TNFRSF9: variants seen among roughly 807,000 people sequenced by gnomAD.
The protein encoded by TNFRSF9 is tumor necrosis factor receptor superfamily member 9.
Under a neutral mutation model 28.8 loss-of-function variants are expected in TNFRSF9, and 16 were observed. That is an observed-to-expected ratio of 0.55 (90% CI 0.38 to 0.84). TNFRSF9 has a LOEUF of 0.84. TNFRSF9 is among the 40% of genes least tolerant of loss of function. The pLI is 0.00. For synonymous variants in TNFRSF9, 131 were observed against 117.0 expected (o/e 1.12, Z -0.77); for missense variants, 303 against 315.0 (o/e 0.96, Z 0.29).
chr1:7,938,116 A>G (rs1639848974), intron 4 of TNFRSF9, 77 bp downstream of exon 4: 2 of 1,360,766 alleles, frequency 1.5e-6, no homozygotes, highest in Non-Finnish European at 1.9e-6. Context: ...CTGTTTGTTT[A>G]TTTTCAAAGG....
In TNFRSF9 at chr1:7,920,648, C is replaced by T; in HGVS notation, c.*187G>A. ...CCTGGGTGACAGAGTGAGACCCTGT[C>T]AAAAAAAAAAAAAAAGTGGTGCATT... On this transcript the variant is annotated 3_prime_UTR_variant, in exon 8 of 8. Coordinates refer to ENST00000377507, the MANE Select transcript of TNFRSF9 (RefSeq NM_001561.6). 7.3e-6 allele frequency: 3 copies of T among 410,028 alleles called. No individual in the cohort carries two copies. Among genetic ancestry groups the T allele is most frequent in the Non-Finnish European group, 1.3e-5 (3 of 234,708 alleles). The allele number at this position is 410,028 out of a possible 1,614,324, so 25.4% of individuals were successfully genotyped here. A position where few individuals can be genotyped will look rare whatever the true frequency, so the allele number is the denominator to read the frequency against.
At chr1:7,934,016 AC>A (rs1180361563) in intron 6 of TNFRSF9, among the ~76,000 whole-genome samples, 3 of 150,964 alleles carry the variant, frequency 2.0e-5, no homozygotes, top group Non-Finnish European at 3.0e-5. Context: ...GACTCTGTCC[AC>A]CCCCCCAAAA....
chr1:7,938,347 G>A lies in TNFRSF9; in HGVS notation c.209-17C>T. 5 of 1,577,922 alleles carry A rather than the reference G, an allele frequency of 3.2e-6. No individual in the cohort carries two copies. The highest frequency in any genetic ancestry group is 4.3e-6 in the Non-Finnish European group (5 of 1,162,896). ...TGAAAACACCTACAAAGTCCCCCCA[G>A]CCCCCAACATTTTATTACACTTGAC... On this transcript the variant is annotated splice_polypyrimidine_tract_variant and intron_variant, in intron 3 of 7. Coordinates refer to ENST00000377507, the MANE Select transcript of TNFRSF9 (RefSeq NM_001561.6).
intron 1 of TNFRSF9, 138 bp from the exon 2 acceptor site, chr1:7,940,216 A>T (rs796911174): frequency 2.6e-5 from 10 of 384,012 alleles, no homozygotes; most frequent in African/African-American, 1.8e-4. Context: ...TATTACGGAA[A>T]AGTAGCAGAT....
chr1:7,933,712 GA>G (rs959000648), intron 6 of TNFRSF9, among the ~76,000 whole-genome samples: 2 of 151,510 alleles, frequency 1.3e-5, no homozygotes, highest in Non-Finnish European at 2.9e-5. Context: ...AGAAAAGAAA[GA>G]AAAGAAAAAG....
intron 5 of TNFRSF9, 70 bp from the exon 6 acceptor site, chr1:7,935,213 T>C: frequency 6.5e-7 from 1 of 1,544,360 alleles, no homozygotes; most frequent in Non-Finnish European, 8.8e-7. Context: ...TAAAACTTTG[T>C]CATTTTTCAC....
At position 7,933,267 on chromosome 1, in the gene TNFRSF9, G is replaced by T; in HGVS notation, c.574C>A (p.Leu192Ile). Residue 192 changes from leucine to isoleucine, a missense_variant, in exon 7 of 8, where the codon CTT (leucine) becomes ATT (isoleucine). Physicochemically the swap from Leu to Ile is conservative, Grantham distance 5 (BLOSUM62 2). Coordinates refer to ENST00000377507, the MANE Select transcript of TNFRSF9 (RefSeq NM_001561.6). ...GHSPQIISFF[L>I]ALTSTALLFL... ...AGCAACGCAGTCGACGTCAGCGCAA[G>T]AAAGAAGGAGATGATCTGCGGAGAG... 1 of 1,613,778 alleles carries T rather than the reference G, an allele frequency of 6.2e-7. No individual in the cohort carries two copies. The highest frequency in any genetic ancestry group is 2.2e-5 in the East Asian group (1 of 44,884).
intron 7 of TNFRSF9, among the ~76,000 whole-genome samples, chr1:7,926,963 C>G (rs1639665291): frequency 6.6e-6 from 1 of 152,100 alleles, no homozygotes; most frequent in African/African-American, 2.4e-5. Context: ...GTGGCTCACA[C>G]CTGTAATCCC....
In TNFRSF9 at chr1:7,937,731, T is replaced by C; in HGVS notation, c.372A>G (p.Thr124=). ...AGATGCCACGTTTCTGATCGTTAAA[T>C]GTCCCAAAGCAACAGTCTTTACAAC... ...KKGCKDCCFG[T]FNDQKRGICR... is the part of the protein sequence containing the mutation. Residue 124 remains threonine (T), a synonymous_variant, in exon 5 of 8, where the codon ACA becomes ACG. Coordinates refer to ENST00000377507, the MANE Select transcript of TNFRSF9 (RefSeq NM_001561.6). 6.2e-7 allele frequency: 1 copy of C among 1,613,716 alleles called. No individual in the cohort carries two copies. The highest frequency in any genetic ancestry group is 8.5e-7 in the Non-Finnish European group (1 of 1,179,636).
rs9658041 is a variant in TNFRSF9, at chr1:7,920,801, C to T, written c.*34G>A. ...TGACTCATATTTCCTTGCTTCTTTT[C>T]AAGAAAGTCCCAACAGCCCTATTGA... On this transcript the variant is annotated 3_prime_UTR_variant, in exon 8 of 8. Transcript: ENST00000377507. 28,562 of 1,549,472 alleles carry T rather than the reference C, an allele frequency of 0.018. 355 individuals carry two copies. The highest frequency in any genetic ancestry group is 0.019 in the Non-Finnish European group (21,164 of 1,122,458).
chr1:7,933,247 C>G lies in TNFRSF9; in HGVS notation c.594G>C (p.Ala198=). The G allele has an allele frequency of 1.2e-6, 2 of 1,613,896 alleles. No individual in the cohort carries two copies. The highest frequency in any genetic ancestry group is 1.7e-6 in the Non-Finnish European group (2 of 1,179,860). The change falls in exon 7 of 8, where the codon GCG becomes GCC. Residue 198 remains alanine, a synonymous_variant. Transcript: ENST00000377507. ...TGAGGAAGAACAGCAGGAAGAGCAA[C>G]GCAGTCGACGTCAGCGCAAGAAAGA... The part of the protein sequence containing the change: ...ISFFLALTST[A]LLFLLFFLTL...
At chr1:7,931,562 A>G (rs1320791296) in intron 7 of TNFRSF9, among the ~76,000 whole-genome samples, 2 of 152,218 alleles carry the variant, frequency 1.3e-5, no homozygotes, top group East Asian at 3.8e-4. Context: ...GCCCAATAAA[A>G]CTGTGTTATT....
intron 5 of TNFRSF9, 67 bp downstream of exon 5, chr1:7,937,623 A>G: frequency 7.5e-7 from 1 of 1,331,086 alleles, no homozygotes; most frequent in South Asian, 1.2e-5. Flanking sequence ...CAATGATAGC[A>G]TTCCTTATCT....
At chr1:7,924,043 A>G (rs1639600777) in intron 7 of TNFRSF9, among the ~76,000 whole-genome samples, 1 of 152,140 alleles carries the variant, frequency 6.6e-6, no homozygotes, top group African/African-American at 2.4e-5. Context: ...TCGTGGTCCC[A>G]TAAGATTATA....
intron 1 of TNFRSF9, 53 bp from the exon 2 acceptor site, chr1:7,940,131 C>G (rs2151420827): frequency 1.7e-6 from 1 of 584,988 alleles, no homozygotes; most frequent in Non-Finnish European, 3.1e-6. Flanking sequence ...TCAAAATTAT[C>G]TATATTGCAA....
At chr1:7,938,163 C>A in intron 4 of TNFRSF9, 30 bp downstream of exon 4, 1 of 1,534,402 alleles carries the variant, frequency 6.5e-7, no homozygotes, top group Non-Finnish European at 8.8e-7. Context: ...TGTCACAAAA[C>A]TACACTAGAT....
rs373493964 is a variant in TNFRSF9, at chr1:7,933,220, C to A, written c.621G>T (p.Thr207=). 5 of 1,613,676 alleles carry A rather than the reference C, an allele frequency of 3.1e-6. No homozygotes were observed. The highest frequency in any genetic ancestry group is 3.3e-5 in the Admixed American group (2 of 59,952). ...CCCGTTTAACAACAGAGAAACGGAG[C>A]GTGAGGAAGAACAGCAGGAAGAGCA... is the stretch of plus-strand genomic sequence containing the variant. ...TALLFLLFFL[T]LRFSVVKRGR... is the part of the protein sequence containing the mutation. The change falls in exon 7 of 8, where the codon ACG becomes ACT. Residue 207 remains threonine, a synonymous_variant. Transcript: ENST00000377507.
chr1:7,927,048 ACT>A (rs1191465739), intron 7 of TNFRSF9, among the ~76,000 whole-genome samples: 1 of 145,024 alleles, frequency 6.9e-6, no homozygotes, highest in Non-Finnish European at 1.5e-5. Flanking sequence ...ACATGGTGAG[ACT>A]CTGTCTCAAA....
In TNFRSF9 at chr1:7,928,871, C is replaced by G. The variant is rs1578072782; in HGVS notation, c.679+4291G>C. Among the ~76,000 whole-genome samples the G allele has an allele frequency of 5.9e-5, 9 of 152,098 alleles. 1 individual carries two copies. Among genetic ancestry groups the G allele is most frequent in the Admixed American group, 5.9e-4 (9 of 15,258 alleles). On this transcript the variant is annotated intron_variant, in intron 7 of 7. Transcript: ENST00000377507. The stretch of plus-strand genomic sequence containing the variant: ...TCCAGCCTGAATGACACAGGGAGAT[C>G]CTGTCTCAAAAACAAACAACAACAA...
Sources: allele counts gnomAD v4.1 joint callset (sites outside exome capture counted in the v4.1 genomes callset), GRCh38; gene constraint gnomAD v4.1.1; transcripts MANE v1.5; gene names NCBI Gene and HGNC (gene_info 2026-07-23, HGNC 2026-07-21).